Variants in EDIL3 observed in about 807,000 individuals in gnomAD.
EDIL3 encodes EGF like and discoidin domains 3, also known as EGF-like repeat and discoidin I-like domain-containing protein 3.
A neutral mutation model predicts 67.4 loss-of-function variants in EDIL3; 37 were observed. The observed-to-expected ratio is 0.55, with a 90% CI of 0.42 to 0.72. The LOEUF is 0.72. Among genes scored for constraint, EDIL3 ranks in the 30% least tolerant of loss-of-function variants. The pLI, the probability that EDIL3 is intolerant of heterozygous loss-of-function variation, is 0.00. For missense variants in EDIL3, 527 were observed against 586.3 expected, an observed-to-expected ratio of 0.90 and a Z score of 1.04; for synonymous variants, 195 against 196.3, an observed-to-expected ratio of 0.99 and a Z score of 0.05.
rs115990721 is a variant in EDIL3 at position 84,156,761 on chromosome 5, C to T, written c.356-19407G>A. Among the ~76,000 whole-genome samples, 943 of 152,178 alleles carry T rather than the reference C, an allele frequency of 6.2e-3. 4 individuals are homozygous for T. The highest frequency in any genetic ancestry group is 8.5e-3 in the Non-Finnish European group (579 of 68,014). ...AAAATAAAATCATTTCTTCTGACTG[C>T]GCAGTCAAATTACAGAAGAGTATAT... is the stretch of plus-strand genomic sequence containing the variant. On this transcript the variant is annotated intron_variant, in intron 4 of 10. Coordinates refer to ENST00000296591, the MANE Select transcript of EDIL3 (RefSeq NM_005711.5).
At chr5:84,008,068 C>CT (rs1745452644) in intron 9 of EDIL3, among the ~76,000 whole-genome samples, 2 of 151,972 alleles carry the variant, frequency 1.3e-5, no homozygotes, top group African/African-American at 4.8e-5. Flanking sequence ...TTTGTGGGAG[C>CT]TAAAAACTAA....
chr5:84,258,749 G>A (rs1218710547), intron 1 of EDIL3, among the ~76,000 whole-genome samples: 2 of 152,078 alleles, frequency 1.3e-5, no homozygotes, highest in Non-Finnish European at 2.9e-5. Context: ...TCAGTGGTTA[G>A]TACAGATGTG....
chr5:84,202,627 A>T (rs141939527), intron 3 of EDIL3, among the ~76,000 whole-genome samples: 39 of 152,280 alleles, frequency 2.6e-4, no homozygotes, highest in African/African-American at 8.9e-4. Flanking sequence ...ATAAATTGTA[A>T]TGCCATTTAT....
At chr5:84,303,063 T>C (rs754460033) in intron 1 of EDIL3, among the ~76,000 whole-genome samples, 3 of 152,210 alleles carry the variant, frequency 2.0e-5, no homozygotes, top group Non-Finnish European at 2.9e-5. Flanking sequence ...CTTTGAGCCA[T>C]TGGTTCTATC....
At chr5:83,995,145 C>T (rs533933456) in intron 9 of EDIL3, among the ~76,000 whole-genome samples, 66 of 109,484 alleles carry the variant, frequency 6.0e-4, no homozygotes, top group African/African-American at 1.5e-3. Flanking sequence ...AGTATACACA[C>T]GCACACACAC....
At chr5:84,040,911 C>A (rs530015614) in intron 9 of EDIL3, among the ~76,000 whole-genome samples, 1 of 152,150 alleles carries the variant, frequency 6.6e-6, no homozygotes, top group Non-Finnish European at 1.5e-5. Flanking sequence ...GCCGATGGAT[C>A]GCTTGAGCTC....
At chr5:84,134,533 C>A (rs2112313257) in intron 5 of EDIL3, among the ~76,000 whole-genome samples, 1 of 152,242 alleles carries the variant, frequency 6.6e-6, no homozygotes, top group South Asian at 2.1e-4. Context: ...CACCTGTAAC[C>A]TGTAGGTGCT....
At chr5:84,206,071 C>T (rs1324021471) in intron 3 of EDIL3, among the ~76,000 whole-genome samples, 7 of 151,202 alleles carry the variant, frequency 4.6e-5, no homozygotes, top group Non-Finnish European at 7.4e-5. Context: ...TTTCCCTCTA[C>T]ACACTGCTTT....
chr5:84,011,702 T>C (rs972328397), intron 9 of EDIL3, among the ~76,000 whole-genome samples: 3 of 152,178 alleles, frequency 2.0e-5, no homozygotes, highest in African/African-American at 7.2e-5. Flanking sequence ...GGTCTTCTTT[T>C]TCTCTAATAC....
chr5:83,990,955 G>A (rs1745141236), intron 9 of EDIL3, among the ~76,000 whole-genome samples: 1 of 151,898 alleles, frequency 6.6e-6, no homozygotes, highest in African/African-American at 2.4e-5. Context: ...GCAGAGCACA[G>A]GGCAACATGA....
At chr5:84,226,380 T>C (rs1402590856) in intron 3 of EDIL3, among the ~76,000 whole-genome samples, 1 of 151,676 alleles carries the variant, frequency 6.6e-6, no homozygotes, top group Non-Finnish European at 1.5e-5. Flanking sequence ...ATCTGATATA[T>C]ATGATTACTG....
At chr5:84,040,022 C>T (rs1298737136) in intron 9 of EDIL3, among the ~76,000 whole-genome samples, 1 of 152,054 alleles carries the variant, frequency 6.6e-6, no homozygotes, top group African/African-American at 2.4e-5. Context: ...AATTTATTTA[C>T]ACAACCCTAT....
chr5:84,064,793 G>T lies in EDIL3; in HGVS notation c.859C>A (p.Pro287Thr), dbSNP rs781415375. 8 of 1,613,844 alleles carry T rather than the reference G, an allele frequency of 5.0e-6. No individual in the cohort carries two copies. Among genetic ancestry groups the T allele is most frequent in the Non-Finnish European group, 6.8e-6 (8 of 1,179,784 alleles). The change falls in exon 8 of 11, where the codon CCC (proline) becomes ACC (threonine). Residue 287 changes from proline (P) to threonine (T), a missense_variant. This residue lies in a region of EDIL3 where 494 missense variants were observed against 522.5 expected (regional missense o/e 0.95). Coordinates refer to ENST00000296591, the MANE Select transcript of EDIL3 (RefSeq NM_005711.5). Reference protein sequence around the residue: ...NNTPYANSFTPPIKAQYVRLY... With the variant: ...NNTPYANSFTTPIKAQYVRLY... ...CTTACATACTGAGCTTTTATGGGGG[G>T]TGTGAAAGAGTTAGCATATGGAGTG...
intron 9 of EDIL3, among the ~76,000 whole-genome samples, chr5:83,994,835 T>C (rs953854127): frequency 6.6e-6 from 1 of 152,150 alleles, no homozygotes; most frequent in Non-Finnish European, 1.5e-5. Context: ...TTAGAAAATA[T>C]CATTATGTGC....
chr5:84,290,011 A>T (rs1245004292), intron 1 of EDIL3, among the ~76,000 whole-genome samples: 2 of 152,188 alleles, frequency 1.3e-5, no homozygotes, highest in African/African-American at 4.8e-5. Context: ...TAAGTAACAG[A>T]TTGTGGAGGA....
chr5:84,205,420 G>A (rs1344163058), intron 3 of EDIL3, among the ~76,000 whole-genome samples: 1 of 152,146 alleles, frequency 6.6e-6, no homozygotes, highest in Non-Finnish European at 1.5e-5. Context: ...CATTGTGAAA[G>A]ACTCTTTATC....
intron 1 of EDIL3, among the ~76,000 whole-genome samples, chr5:84,338,240 C>T (rs1747028342): frequency 6.6e-6 from 1 of 152,104 alleles, no homozygotes; most frequent in South Asian, 2.1e-4. Context: ...AAGCACACTC[C>T]TGACTAAATT....
chr5:84,354,274 A>G (rs143284754), intron 1 of EDIL3, among the ~76,000 whole-genome samples: 105 of 152,278 alleles, frequency 6.9e-4, no homozygotes, highest in African/African-American at 2.1e-3. Context: ...TGCCCTCTCT[A>G]TGGTGACAAT....
chr5:84,296,412 G>T (rs556975248), intron 1 of EDIL3, among the ~76,000 whole-genome samples: 7 of 152,146 alleles, frequency 4.6e-5, no homozygotes, highest in Admixed American at 4.6e-4. Flanking sequence ...CTAGGAGAGT[G>T]GCACATACTC....
Sources: gnomAD v4.1 joint callset for allele counts (sites outside exome capture counted in the v4.1 genomes callset) on GRCh38, gnomAD v4.1.1 for gene constraint, gnomAD v4.1.1 regional missense constraint, MANE v1.5 for transcripts, NCBI Gene and HGNC (gene_info 2026-07-23, HGNC 2026-07-21) for gene names.